The following CLEC4C variants were observed in gnomAD, a reference collection of about 807,000 sequenced individuals.
CLEC4C encodes the protein C-type lectin domain family 4 member C.
A neutral mutation model predicts 27.7 loss-of-function variants in CLEC4C; 17 were observed. That is an observed-to-expected ratio of 0.61 (90% CI 0.42 to 0.92). CLEC4C has a LOEUF of 0.92. CLEC4C is among the 40% of genes least tolerant of loss of function. The probability of loss-of-function intolerance (pLI) is 0.00; values close to 1 mark genes in which losing one functional copy is unlikely to be tolerated. For synonymous variants in CLEC4C, 80 were observed against 80.8 expected (o/e 0.99, Z 0.06); for missense variants, 244 against 257.3 (o/e 0.95, Z 0.35).
At chr12:7,743,534 G>GC (rs1864907467) in intron 2 of CLEC4C, among the ~76,000 whole-genome samples, 1 of 151,666 alleles carries the variant, frequency 6.6e-6, no homozygotes, top group Non-Finnish European at 1.5e-5. Context: ...ACAGGCGCCC[G>GC]CCACCGCGCC....
At chr12:7,737,185 C>T (rs1041796392) in intron 4 of CLEC4C, among the ~76,000 whole-genome samples, 9 of 151,900 alleles carry the variant, frequency 5.9e-5, no homozygotes, top group Admixed American at 4.6e-4. Context: ...GAGCTGAGAT[C>T]GTGCCATTAC....
intron 2 of CLEC4C, among the ~76,000 whole-genome samples, chr12:7,746,014 A>G (rs779195642): frequency 1.1e-3 from 168 of 151,628 alleles, no homozygotes; most frequent in Middle Eastern, 0.01. Flanking sequence ...AGGAGATCGA[A>G]ACCACCCTGG....
At chr12:7,731,370 ACT>A (rs1864592418) in intron 4 of CLEC4C, among the ~76,000 whole-genome samples, 1 of 151,210 alleles carries the variant, frequency 6.6e-6, no homozygotes, top group Non-Finnish European at 1.5e-5. Context: ...ATCCTTAAAA[ACT>A]CTTGGTCTGT....
intron 2 of CLEC4C, among the ~76,000 whole-genome samples, chr12:7,744,429 C>G (rs2120434990): frequency 6.6e-6 from 1 of 152,292 alleles, no homozygotes; most frequent in South Asian, 2.1e-4. Flanking sequence ...AACTTCCTCA[C>G]AGATGTTTCA....
At chr12:7,730,937 A>C (rs1408852233) in intron 4 of CLEC4C, 25 bp from the exon 5 acceptor site, 1 of 1,220,800 alleles carries the variant, frequency 8.2e-7, no homozygotes, top group Admixed American at 1.7e-5. Context: ...TGGAAGAGTC[A>C]TAGCTGATAG....
intron 5 of CLEC4C, among the ~76,000 whole-genome samples, chr12:7,729,968 T>C (rs2120358139): frequency 6.6e-6 from 1 of 152,324 alleles, no homozygotes; most frequent in South Asian, 2.1e-4. Context: ...CCTAGTACTC[T>C]GTCATCTTAA....
intron 3 of CLEC4C, among the ~76,000 whole-genome samples, chr12:7,739,915 A>G (rs921892541): frequency 6.7e-6 from 1 of 149,400 alleles, no homozygotes; most frequent in African/African-American, 2.5e-5. Flanking sequence ...GCTCACCACA[A>G]CCTCCACCTC....
At chr12:7,732,088 G>T (rs1864608402) in intron 4 of CLEC4C, among the ~76,000 whole-genome samples, 1 of 152,120 alleles carries the variant, frequency 6.6e-6, no homozygotes, top group Non-Finnish European at 1.5e-5. Context: ...GGAGTGCAGT[G>T]GCACGATCTC....
intron 3 of CLEC4C, among the ~76,000 whole-genome samples, chr12:7,738,940 C>T (rs1864789727): frequency 6.6e-6 from 1 of 151,278 alleles, no homozygotes; most frequent in Admixed American, 6.6e-5. Context: ...TTAGGTATAT[C>T]TCCTAATGCT....
intron 3 of CLEC4C, among the ~76,000 whole-genome samples, chr12:7,739,846 AT>A (rs56683824): frequency 1.0e-3 from 142 of 140,910 alleles, no homozygotes; most frequent in Middle Eastern, 3.6e-3. Flanking sequence ...TAGCTCGGTA[AT>A]TTTTTTTTTT....
Position 7,747,343 on chromosome 12 carries a change from C to T in CLEC4C, c.6G>A (p.Val2=), listed in dbSNP as rs774852569. The change falls in exon 1 of 6, where the codon GTG becomes GTA. Residue 2 remains valine, a synonymous_variant. Coordinates refer to ENST00000360345, the MANE Select transcript of CLEC4C (RefSeq NM_001371390.1). The part of the protein sequence containing the change: M[V]PEEEPQDREK... Reference sequence around the variant, plus strand: ...CTCGGTCTTGAGGCTCTTCTTCAGGCACCATTGTGTGTGCGCACACCCTTT... The same window carrying T: ...CTCGGTCTTGAGGCTCTTCTTCAGGTACCATTGTGTGTGCGCACACCCTTT... 3.7e-6 allele frequency: 6 copies of T among 1,614,084 alleles called. No individual in the cohort carries two copies. Among genetic ancestry groups the T allele is most frequent in the Non-Finnish European group, 4.2e-6 (5 of 1,179,986 alleles).
chr12:7,741,486 T>G lies in CLEC4C; in HGVS notation c.170A>C (p.Lys57Thr). 6.2e-7 allele frequency: 1 copy of G among 1,612,644 alleles called. No homozygotes were observed. The highest frequency in any genetic ancestry group is 8.5e-7 in the Non-Finnish European group (1 of 1,178,606). ...MYSKTVKRLS[K>T]LREYQQYHPS... ...ATGATACTGTTGATACTCTCGTAAC[T>G]TGGACAGCCTCTTGACAGTTTTGCT... Residue 57 changes from lysine to threonine, a missense_variant, in exon 3 of 6, where the codon AAG (lysine) becomes ACG (threonine). By Grantham distance (78) the Lys-to-Thr change is moderately conservative. Transcript: ENST00000360345.
At chr12:7,734,919 G>T (rs914096677) in intron 4 of CLEC4C, among the ~76,000 whole-genome samples, 1 of 152,038 alleles carries the variant, frequency 6.6e-6, no homozygotes, top group Non-Finnish European at 1.5e-5. Flanking sequence ...ACATTCCATA[G>T]GCCAGGCATG....
At chr12:7,746,275 TA>T in intron 2 of CLEC4C, 55 bp downstream of exon 2, 2 of 959,400 alleles carry the variant, frequency 2.1e-6, no homozygotes, top group East Asian at 2.6e-5. Flanking sequence ...AGGAAATTGA[TA>T]AAATGTGATT....
Position 7,729,660 on chromosome 12 carries a change from C to T in CLEC4C, c.578G>A (p.Trp193Ter). The T allele has an allele frequency of 6.2e-7, 1 of 1,613,434 alleles. No homozygotes were observed. Among genetic ancestry groups the T allele is most frequent in the South Asian group, 1.1e-5 (1 of 91,070 alleles). ...AGGTACATGACAGTGAATGTCATTC[C>T]AGCCCCATTCTTCTGAAGAACGGAA... ...INFRSSEEWG[W>*]NDIHCHVPQK... Residue 193 changes from tryptophan to a stop codon, truncating the protein, a stop_gained, in exon 6 of 6, where the codon TGG (tryptophan) becomes TAG (stop). Transcript: ENST00000360345. LOFTEE classifies it low-confidence loss of function (END_TRUNC).
intron 2 of CLEC4C, among the ~76,000 whole-genome samples, chr12:7,743,802 G>A (rs1864913913): frequency 6.6e-6 from 1 of 152,026 alleles, no homozygotes; most frequent in Non-Finnish European, 1.5e-5. Context: ...TCTTGTATTA[G>A]TCCGTTTTTG....
At chr12:7,746,575 A>C in intron 1 of CLEC4C, 152 bp from the exon 2 acceptor site, 2 of 596,888 alleles carry the variant, frequency 3.4e-6, no homozygotes, top group Non-Finnish European at 5.9e-6. Flanking sequence ...AGATTATAGA[A>C]ATTATCTCAG....
chr12:7,738,331 C>T (rs1448443380), intron 3 of CLEC4C, among the ~76,000 whole-genome samples: 1 of 152,136 alleles, frequency 6.6e-6, no homozygotes, highest in Non-Finnish European at 1.5e-5. Context: ...ATGCAAAACA[C>T]TTAAGAGCAG....
chr12:7,746,077 T>C (rs1369303731), intron 2 of CLEC4C, among the ~76,000 whole-genome samples: 2 of 151,434 alleles, frequency 1.3e-5, no homozygotes, highest in East Asian at 2.0e-4. Context: ...TAGCCAGGCA[T>C]GGTGGCGGGC....
Sources: allele counts gnomAD v4.1 joint callset (sites outside exome capture counted in the v4.1 genomes callset), GRCh38; gene constraint gnomAD v4.1.1; transcripts MANE v1.5; gene names NCBI Gene and HGNC (gene_info 2026-07-23, HGNC 2026-07-21).